Variants in PDE4B observed in about 807,000 individuals in gnomAD.
PDE4B encodes phosphodiesterase 4B, also known as 3',5'-cyclic-AMP phosphodiesterase 4B.
A neutral mutation model predicts 82.2 loss-of-function variants in PDE4B; 20 were observed. That is an observed-to-expected ratio of 0.24 (90% CI 0.17 to 0.35). PDE4B has a LOEUF of 0.35. PDE4B is among the 10% of genes least tolerant of loss of function. The pLI is 1.00. For missense variants in PDE4B, 655 were observed against 907.2 expected, an observed-to-expected ratio of 0.72 and a Z score of 3.57; for synonymous variants, 320 against 318.9, an observed-to-expected ratio of 1.00 and a Z score of -0.04.
intron 1 of PDE4B, among the ~76,000 whole-genome samples, chr1:65,796,437 C>A (rs1173518299): frequency 1.3e-5 from 2 of 151,806 alleles, no homozygotes; most frequent in African/African-American, 4.8e-5. Context: ...TCTCTTTGTT[C>A]AAATAGAAAA....
intron 6 of PDE4B, 46 bp downstream of exon 6, chr1:66,257,909 C>A (rs1281493711): frequency 5.6e-6 from 7 of 1,252,438 alleles, no homozygotes; most frequent in Admixed American, 3.6e-5. Context: ...AACATAAAGG[C>A]AAAAAATATT....
At chr1:66,118,934 T>C (rs1020107798) in intron 3 of PDE4B, among the ~76,000 whole-genome samples, 2 of 152,210 alleles carry the variant, frequency 1.3e-5, no homozygotes, top group Non-Finnish European at 2.9e-5. Context: ...TGAAGAAGCC[T>C]TCCTGGATTC....
chr1:66,253,805 C>T (rs1223683353), intron 4 of PDE4B, among the ~76,000 whole-genome samples: 4 of 151,900 alleles, frequency 2.6e-5, no homozygotes, highest in Non-Finnish European at 5.9e-5. Flanking sequence ...AATTTTCTAA[C>T]ATACAGCATT....
At chr1:66,202,905 T>G (rs1329931952) in intron 3 of PDE4B, among the ~76,000 whole-genome samples, 2 of 151,362 alleles carry the variant, frequency 1.3e-5, no homozygotes, top group East Asian at 1.9e-4. Context: ...GTTAGCTGGT[T>G]ATTTTGCTCA....
At chr1:66,193,669 C>T (rs1466925793) in intron 3 of PDE4B, among the ~76,000 whole-genome samples, 1 of 152,098 alleles carries the variant, frequency 6.6e-6, no homozygotes. Context: ...GACCTTTTAA[C>T]ATTTAGAAAC....
At chr1:66,162,497 T>C (rs1646637567) in intron 3 of PDE4B, among the ~76,000 whole-genome samples, 1 of 152,022 alleles carries the variant, frequency 6.6e-6, no homozygotes, top group Admixed American at 6.6e-5. Context: ...GCCAGCCAGC[T>C]TCTCTCTGTT....
intron 3 of PDE4B, among the ~76,000 whole-genome samples, chr1:66,125,244 A>G (rs983006663): frequency 4.0e-5 from 6 of 150,140 alleles, no homozygotes; most frequent in Non-Finnish European, 7.4e-5. Context: ...GCTCACTGAA[A>G]CTTCTGTCTC....
chr1:66,262,338 C>T (rs149158337), intron 6 of PDE4B, among the ~76,000 whole-genome samples: 113 of 152,292 alleles, frequency 7.4e-4, no homozygotes, highest in African/African-American at 2.6e-3. Flanking sequence ...TTAGTTGCTG[C>T]CTGCTCTTCT....
intron 3 of PDE4B, among the ~76,000 whole-genome samples, chr1:66,190,913 C>G (rs187876199): frequency 6.6e-6 from 1 of 152,126 alleles, no homozygotes; most frequent in Non-Finnish European, 1.5e-5. Context: ...CAGAAATCAC[C>G]CGTCTTCTGC....
At chr1:66,245,154 G>A (rs1369659204) in intron 3 of PDE4B, among the ~76,000 whole-genome samples, 1 of 152,136 alleles carries the variant, frequency 6.6e-6, no homozygotes. Context: ...TGAATTAATG[G>A]ACACAGGCAC....
intron 3 of PDE4B, among the ~76,000 whole-genome samples, chr1:66,175,749 A>G (rs1371950783): frequency 6.6e-6 from 1 of 152,172 alleles, no homozygotes; most frequent in Admixed American, 6.5e-5. Context: ...TCTCTATGCT[A>G]TATAATAGAA....
intron 1 of PDE4B, among the ~76,000 whole-genome samples, chr1:65,893,035 G>A (rs1010760822): frequency 1.3e-4 from 20 of 151,872 alleles, no homozygotes; most frequent in African/African-American, 4.6e-4. Context: ...ACCCCCTAAA[G>A]GAGGAAGAAA....
chr1:65,886,193 T>C (rs1214039261), intron 1 of PDE4B, among the ~76,000 whole-genome samples: 2 of 151,618 alleles, frequency 1.3e-5, no homozygotes, highest in Non-Finnish European at 2.9e-5. Flanking sequence ...AAAAAGAAAA[T>C]GCTTTGTAAA....
Position 66,181,658 on chromosome 1 carries a change from C to G in PDE4B, c.282-65802C>G, listed in dbSNP as rs12041885. ...TTGAGATTGACATTGGTGTTTTCAC[C>G]CTTATTTTTACTCCCAATCTTCTCT... On this transcript the variant is annotated intron_variant, in intron 3 of 16. Transcript: ENST00000341517. 0.013 allele frequency among the ~76,000 whole-genome samples: 1,940 copies of G among 152,060 alleles called. 91 individuals carry two copies. The East Asian group carries it at 0.15, about 11-fold the overall frequency.
At chr1:65,958,764 G>GCACA (rs542680325) in intron 3 of PDE4B, among the ~76,000 whole-genome samples, 10,856 of 150,872 alleles carry the variant, frequency 0.072, 423 homozygotes, top group South Asian at 0.14. Flanking sequence ...GCGCGCGCGC[G>GCACA]CACACACATA....
intron 3 of PDE4B, among the ~76,000 whole-genome samples, chr1:65,983,619 T>A (rs1214934481): frequency 3.3e-5 from 5 of 152,128 alleles, no homozygotes; most frequent in African/African-American, 9.7e-5. Flanking sequence ...TGAAGAGGCA[T>A]AGGGAGAAGG....
At chr1:66,014,048 G>A (rs764911748) in intron 3 of PDE4B, among the ~76,000 whole-genome samples, 5 of 150,578 alleles carry the variant, frequency 3.3e-5, no homozygotes, top group Non-Finnish European at 7.4e-5. Context: ...CTAATGATTC[G>A]TGATGTTGAG....
At chr1:66,303,282 A>G (rs1658027831) in intron 7 of PDE4B, among the ~76,000 whole-genome samples, 1 of 152,054 alleles carries the variant, frequency 6.6e-6, no homozygotes, top group Admixed American at 6.6e-5. Context: ...TTATTAAGGT[A>G]TAATGGACAA....
chr1:65,896,865 T>G (rs1339387509), intron 1 of PDE4B, among the ~76,000 whole-genome samples: 1 of 152,196 alleles, frequency 6.6e-6, no homozygotes, highest in Non-Finnish European at 1.5e-5. Context: ...TATTCTTTTG[T>G]AATAAGAAAA....
Sources: gnomAD v4.1 joint callset for allele counts (sites outside exome capture counted in the v4.1 genomes callset) on GRCh38, gnomAD v4.1.1 for gene constraint, MANE v1.5 for transcripts, NCBI Gene and HGNC (gene_info 2026-07-23, HGNC 2026-07-21) for gene names.